Variants in ZDHHC21 observed in about 807,000 individuals in gnomAD.
ZDHHC21 encodes the protein zDHHC palmitoyltransferase 21, also known as palmitoyltransferase ZDHHC21.
In ZDHHC21, 15 loss-of-function variants were observed where a neutral mutation model predicts 34.6. The observed-to-expected ratio is 0.43, with a 90% CI of 0.29 to 0.67. The LOEUF is 0.67. Ranked by LOEUF, ZDHHC21 falls within the 30% of genes least tolerant of loss-of-function variation. The pLI is 0.14. For synonymous variants in ZDHHC21, 142 were observed against 101.8 expected (o/e 1.40, Z -2.38); for missense variants, 344 against 327.7 (o/e 1.05, Z -0.38).
chr9:14,628,401 A>G (rs1564216920), intron 8 of ZDHHC21, among the ~76,000 whole-genome samples: 1 of 152,214 alleles, frequency 6.6e-6, no homozygotes, highest in Non-Finnish European at 1.5e-5. Flanking sequence ...AAAATTACTG[A>G]AAAGTGATAT....
chr9:14,674,319 C>T lies in ZDHHC21; in HGVS notation c.22G>A (p.Val8Ile), dbSNP rs1477207407. 2 of 1,594,950 alleles carry T rather than the reference C, an allele frequency of 1.3e-6. No individual in the cohort carries two copies. Among genetic ancestry groups the T allele is most frequent in the Non-Finnish European group, 1.7e-6 (2 of 1,172,712 alleles). Reference sequence around the variant, plus strand: ...CAGCACCAACCATGTGGGTCAACAACAAAGTGAATCCGGAGACCCATTTTG... The same window carrying T: ...CAGCACCAACCATGTGGGTCAACAATAAAGTGAATCCGGAGACCCATTTTG... MGLRIHF[V>I]VDPHGWCCMG... is the part of the protein sequence containing the mutation. Residue 8 changes from valine (V) to isoleucine (I), a missense_variant, in exon 4 of 10, where the codon GTT becomes ATT. By Grantham distance (29) the Val-to-Ile change is conservative (BLOSUM62 3). Transcript: ENST00000380916.
downstream of ZDHHC21, among the ~76,000 whole-genome samples, chr9:14,609,339 GC>G (rs1184900819): frequency 8.5e-5 from 13 of 152,094 alleles, no homozygotes; most frequent in Non-Finnish European, 4.4e-5. Flanking sequence ...AGCTGAACTA[GC>G]CACTTTCTTT....
chr9:14,604,156 G>GT, the ZDHHC21 span, among the ~76,000 whole-genome samples: 3 of 152,130 alleles, frequency 2.0e-5, no homozygotes, highest in Non-Finnish European at 4.4e-5. Context: ...ATATATGTTG[G>GT]TTGGAGTGTA....
chr9:14,595,585 G>A, the ZDHHC21 span, among the ~76,000 whole-genome samples: 2 of 152,160 alleles, frequency 1.3e-5, 1 homozygote, highest in Non-Finnish European at 2.9e-5. Flanking sequence ...ATATTCAATT[G>A]TGCACAATAT....
chr9:14,648,064 C>G (rs181989474), intron 7 of ZDHHC21, among the ~76,000 whole-genome samples: 4 of 152,002 alleles, frequency 2.6e-5, no homozygotes, highest in Non-Finnish European at 5.9e-5. Flanking sequence ...CTCCCCCTCT[C>G]GGTAACTGGT....
At chr9:14,648,571 A>G (rs377620946) in intron 7 of ZDHHC21, among the ~76,000 whole-genome samples, 2 of 152,106 alleles carry the variant, frequency 1.3e-5, no homozygotes, top group East Asian at 1.9e-4. Flanking sequence ...GCGTCACTAG[A>G]GAAAGGTCTT....
At chr9:14,671,752 C>A (rs1835483605) in intron 5 of ZDHHC21, among the ~76,000 whole-genome samples, 1 of 151,946 alleles carries the variant, frequency 6.6e-6, no homozygotes, top group Non-Finnish European at 1.5e-5. Context: ...CAACTGTGGG[C>A]ATACAAAAAC....
At chr9:14,656,114 T>C (rs988695777) in intron 7 of ZDHHC21, among the ~76,000 whole-genome samples, 2 of 151,958 alleles carry the variant, frequency 1.3e-5, no homozygotes, top group African/African-American at 2.4e-5. Context: ...GTGTCTATAA[T>C]GTAGCTTCAA....
intron 2 of ZDHHC21, among the ~76,000 whole-genome samples, chr9:14,684,161 T>G (rs1419503776): frequency 1.1e-4 from 16 of 151,190 alleles, no homozygotes; most frequent in Admixed American, 9.9e-4. Flanking sequence ...ATGCCCTCTC[T>G]CACCACTCCT....
Position 14,680,124 on chromosome 9 carries a change from C to T in ZDHHC21, c.-137G>A, listed in dbSNP as rs1006773108. On this transcript the variant is annotated 5_prime_UTR_variant, in exon 3 of 10. Transcript: ENST00000380916. Reference sequence around the variant, plus strand: ...TTCATTTTTTTTAATTATATCCCACCAAATGGATCTCTCTTCAATAACAGT... The same window carrying T: ...TTCATTTTTTTTAATTATATCCCACTAAATGGATCTCTCTTCAATAACAGT... The T allele has an allele frequency of 3.9e-5, 6 of 152,368 alleles. No homozygotes were observed. Among genetic ancestry groups the T allele is most frequent in the Non-Finnish European group, 8.8e-5 (6 of 67,962 alleles). The allele number at this position is 152,368 out of a possible 1,614,324, so 9.4% of individuals were successfully genotyped here.
the ZDHHC21 span, chr9:14,589,213 T>C: frequency 6.6e-6 from 1 of 151,962 alleles, no homozygotes. Context: ...GATAAACACA[T>C]AATGAAGAAA....
rs1824692142 is a variant in ZDHHC21 at position 14,618,626 on chromosome 9, C to G, written c.*340G>C. 1 of 176,066 alleles carries G rather than the reference C, an allele frequency of 5.7e-6. No individual in the cohort carries two copies. Among genetic ancestry groups the G allele is most frequent in the Admixed American group, 6.3e-5 (1 of 15,860 alleles). The allele number at this position is 176,066 out of a possible 1,614,324, so 10.9% of individuals were successfully genotyped here. On this transcript the variant is annotated 3_prime_UTR_variant, in exon 10 of 10. Coordinates refer to ENST00000380916, the MANE Select transcript of ZDHHC21 (RefSeq NM_178566.6). ...ATTTTAAATAAACATCTGAAATTTACCATAAATTAGAATCTGTAACACTGT... is the reference window on the plus strand; with the variant it reads ...ATTTTAAATAAACATCTGAAATTTAGCATAAATTAGAATCTGTAACACTGT...
the ZDHHC21 span, among the ~76,000 whole-genome samples, chr9:14,595,551 G>C: frequency 1.3e-5 from 2 of 152,128 alleles, no homozygotes; most frequent in Admixed American, 6.5e-5. Context: ...GGTGAAGGTT[G>C]TACAACTATA....
chr9:14,625,540 C>A (rs376783061), intron 8 of ZDHHC21, among the ~76,000 whole-genome samples: 1 of 151,934 alleles, frequency 6.6e-6, no homozygotes, highest in African/African-American at 2.4e-5. Flanking sequence ...CAAATAATAA[C>A]GCTTACCTCA....
At chr9:14,601,081 T>C in the ZDHHC21 span, among the ~76,000 whole-genome samples, 42 of 152,150 alleles carry the variant, frequency 2.8e-4, no homozygotes, top group Non-Finnish European at 1.2e-4. Context: ...TTTCAGGACA[T>C]AGGCATGGAC....
At chr9:14,595,598 C>T in the ZDHHC21 span, among the ~76,000 whole-genome samples, 1 of 152,080 alleles carries the variant, frequency 6.6e-6, no homozygotes, top group Non-Finnish European at 1.5e-5. Flanking sequence ...CACAATATAA[C>T]AGGTGAATTT....
chr9:14,622,610 G>C (rs1348130957), intron 8 of ZDHHC21: 1 of 985,050 alleles, frequency 1.0e-6, no homozygotes, highest in Non-Finnish European at 1.2e-6. Flanking sequence ...ATCCTGTTTT[G>C]AGTTCATTCT....
chr9:14,597,008 C>T, the ZDHHC21 span, among the ~76,000 whole-genome samples: 2 of 152,082 alleles, frequency 1.3e-5, no homozygotes, highest in Admixed American at 1.3e-4. Context: ...AGTGAGAGAT[C>T]CCCCAGTACA....
At chr9:14,627,642 T>C (rs996400065) in intron 8 of ZDHHC21, among the ~76,000 whole-genome samples, 1 of 152,128 alleles carries the variant, frequency 6.6e-6, no homozygotes, top group Non-Finnish European at 1.5e-5. Flanking sequence ...ACAAAAATGC[T>C]TGTATATAAA....
Sources: allele counts gnomAD v4.1 joint callset (sites outside exome capture counted in the v4.1 genomes callset), GRCh38; gene constraint gnomAD v4.1.1; transcripts MANE v1.5; gene names NCBI Gene and HGNC (gene_info 2026-07-23, HGNC 2026-07-21).